The following NAB2 variants were observed in gnomAD, a reference collection of about 807,000 sequenced individuals.
NAB2 encodes NGFI-A-binding protein 2.
NAB2 carries 9 observed loss-of-function variants against 44.2 expected under a neutral mutation model. The observed-to-expected ratio is 0.20, with a 90% CI of 0.12 to 0.36. NAB2 has a LOEUF of 0.36. Among genes scored for constraint, NAB2 ranks in the 10% least tolerant of loss-of-function variants. The pLI is 1.00. For missense variants in NAB2, 514 were observed against 709.0 expected (o/e 0.73, Z 3.12); for synonymous variants, 342 against 291.0 (o/e 1.18, Z -1.78).
chr12:57,093,234 TGGGGGAGTAGGGGA>T, intron 5 of NAB2, 39 bp downstream of exon 5: 1 of 513,444 alleles, frequency 1.9e-6, no homozygotes, highest in Non-Finnish European at 3.3e-6. Flanking sequence ...TCATTGAGGG[TGGGGGAGTAGGGGA>T]GGGGGTTGGG....
rs1381470036 is a variant in NAB2, at chr12:57,091,575, G to A, written c.534G>A (p.Gly178=). Residue 178 remains glycine (G), a synonymous_variant, in exon 2 of 7, where the codon GGG becomes GGA. Transcript: ENST00000300131. This position sits in a 1 kb window ranked among gnomAD's most constrained non-coding sequence, Gnocchi z 7.3. ...EKLSPLPGGP[G]AGDPRIWPGR... ...TATCACCACTGCCTGGGGGACCTGG[G>A]GCAGGGGACCCCCGGATCTGGCCAG... 1.2e-6 allele frequency: 2 copies of A among 1,606,850 alleles called. No individual in the cohort carries two copies. The highest frequency in any genetic ancestry group is 2.2e-5 in the East Asian group (1 of 44,714).
At chr12:57,089,751 T>G (rs1555172927) in intron 1 of NAB2, among the ~76,000 whole-genome samples, 1 of 32,934 alleles carries the variant, frequency 3.0e-5, no homozygotes, top group East Asian at 5.8e-4. Flanking sequence ...CCGGTGCCTT[T>G]GAGTTAAAGG....
At chr12:57,093,243 AGGGGAGGGGGTTG>A in intron 5 of NAB2, 48 bp downstream of exon 5, 3 of 501,464 alleles carry the variant, frequency 6.0e-6, no homozygotes, top group African/African-American at 2.2e-5. Flanking sequence ...GTGGGGGAGT[AGGGGAGGGGGTTG>A]GGGGAGGAGT....
At chr12:57,090,995 G>C in intron 1 of NAB2, 130 bp from the exon 2 acceptor site, 1 of 782,310 alleles carries the variant, frequency 1.3e-6, no homozygotes, top group Admixed American at 2.8e-5. Context: ...CTGGGCACTG[G>C]GCAGGATAGC....
At chr12:57,094,378 GAGAA>G (rs760995888) in intron 6 of NAB2, among the ~76,000 whole-genome samples, 52 of 152,120 alleles carry the variant, frequency 3.4e-4, no homozygotes, top group Admixed American at 5.9e-4. Context: ...GGAGGCGGGA[GAGAA>G]AGAGAGAGAG....
chr12:57,094,774 A>G lies in NAB2; in HGVS notation c.*53A>G. 7.1e-7 allele frequency: 1 copy of G among 1,412,326 alleles called. No individual in the cohort carries two copies. The highest frequency in any genetic ancestry group is 1.3e-5 in the South Asian group (1 of 79,352). 87.5% of individuals were successfully genotyped at this position (1,412,326 alleles called of 1,614,324 possible). ...GACCTCAGACTTCTGGCTCACACAG[A>G]CCCCCACGCTCTCCATCCCCGGAAT... On this transcript the variant is annotated 3_prime_UTR_variant, in exon 7 of 7. Transcript: ENST00000300131.
rs1023237434 is a variant in NAB2, at chr12:57,094,227, A to G, written c.1469-385A>G. Among the ~76,000 whole-genome samples the G allele has an allele frequency of 4.3e-5, 5 of 115,562 alleles. No homozygotes were observed. In the South Asian group the frequency reaches 1.2e-3, roughly 27 times the overall value. The allele number at this position is 115,562 out of a possible 152,430, so 75.8% of individuals were successfully genotyped here. A position where few individuals can be genotyped will look rare whatever the true frequency, so the allele number is the denominator to read the frequency against. On this transcript the variant is annotated intron_variant, in intron 6 of 6. Coordinates refer to ENST00000300131, the MANE Select transcript of NAB2 (RefSeq NM_005967.4). ...TGGCTACCAAAAAACTTGGGGGGCCATGGTAGAGTGGCCTGGGAGGGGCCT... is the reference window on the plus strand; with the variant it reads ...TGGCTACCAAAAAACTTGGGGGGCCGTGGTAGAGTGGCCTGGGAGGGGCCT...
At chr12:57,092,385 G>A (rs1267741602) in intron 2 of NAB2, 63 bp from the exon 3 acceptor site, 1 of 1,590,538 alleles carries the variant, frequency 6.3e-7, no homozygotes, top group African/African-American at 1.3e-5. Flanking sequence ...GGGGTGTGAG[G>A]AGGTCTGGTG....
rs1459756365 is a variant in NAB2 at position 57,091,802 on chromosome 12, G to A, written c.761G>A (p.Arg254Gln). The change falls in exon 2 of 7, where the codon CGG becomes CAG. Residue 254 changes from arginine to glutamine, a missense_variant. Physicochemically the swap from Arg to Gln is conservative, Grantham distance 43 (BLOSUM62 1). Transcript: ENST00000300131. This position sits in a 1 kb window ranked among gnomAD's most constrained non-coding sequence, Gnocchi z 7.3. ...MVVESVERIF[R>Q]SFPRGDAGEV... is the part of the protein sequence containing the mutation. ...GTGGAAAGTGTGGAGAGGATCTTCC[G>A]GAGCTTCCCAAGGGGGGATGCTGGG... The A allele has an allele frequency of 1.2e-6, 2 of 1,614,058 alleles. No individual in the cohort carries two copies. The highest frequency in any genetic ancestry group is 2.2e-5 in the East Asian group (1 of 44,892).
In NAB2 at chr12:57,093,158, C is replaced by T. The variant is rs777294547; in HGVS notation, c.1239C>T (p.Ala413=). The T allele has an allele frequency of 7.4e-6, 12 of 1,612,810 alleles. No homozygotes were observed. The East Asian group carries it at 2.5e-4, about 33-fold the overall frequency. The change falls in exon 5 of 7, where the codon GCC becomes GCT. Residue 413 remains alanine, a synonymous_variant. Transcript: ENST00000300131. ...GCCCCAGCCTGGAGGAGGACAGCGCCAGCCTGTCTGGGGAGAGTCTGGATG... is the reference window on the plus strand; with the variant it reads ...GCCCCAGCCTGGAGGAGGACAGCGCTAGCCTGTCTGGGGAGAGTCTGGATG... ...PYRPSLEEDS[A]SLSGESLDGH... is the part of the protein sequence containing the mutation.
chr12:57,092,022 G>A, intron 2 of NAB2, 24 bp downstream of exon 2: 1 of 1,578,728 alleles, frequency 6.3e-7, no homozygotes, highest in Non-Finnish European at 8.6e-7. Flanking sequence ...GGCCTCCTAG[G>A]ATTGCCCTTG....
rs1050655984 is a variant in NAB2 at position 57,094,995 on chromosome 12, T to G, written c.*274T>G. 2.9e-5 allele frequency: 14 copies of G among 477,934 alleles called. No individual in the cohort carries two copies. The highest frequency in any genetic ancestry group is 5.2e-5 in the Non-Finnish European group (14 of 266,852). The allele number at this position is 477,934 out of a possible 1,614,324, so 29.6% of individuals were successfully genotyped here. On this transcript the variant is annotated 3_prime_UTR_variant, in exon 7 of 7. Coordinates refer to ENST00000300131, the MANE Select transcript of NAB2 (RefSeq NM_005967.4). ...CTCCAGGGCATCTGGGGTTTTCCCC[T>G]CCCTCACACAACACACTCCCATTCT...
At chr12:57,092,320 G>T in intron 2 of NAB2, 128 bp from the exon 3 acceptor site, 1 of 1,359,608 alleles carries the variant, frequency 7.4e-7, no homozygotes, top group Non-Finnish European at 1.0e-6. Flanking sequence ...CTCCCATGTA[G>T]TGTCAAAACC....
At chr12:57,090,378 G>A (rs2033160189) in intron 1 of NAB2, among the ~76,000 whole-genome samples, 1 of 152,222 alleles carries the variant, frequency 6.6e-6, no homozygotes, top group African/African-American at 2.4e-5. Flanking sequence ...CAGCTACTCA[G>A]GAGGCTGAGG....
At chr12:57,090,269 A>T (rs2033158059) in intron 1 of NAB2, among the ~76,000 whole-genome samples, 1 of 152,118 alleles carries the variant, frequency 6.6e-6, no homozygotes. Context: ...GTGGATCACG[A>T]GGTCAGGAAT....
At chr12:57,092,821 G>T in intron 3 of NAB2, 96 bp from the exon 4 acceptor site, 2 of 1,514,426 alleles carry the variant, frequency 1.3e-6, no homozygotes, top group Admixed American at 3.4e-5. Context: ...CTTGGCAAAG[G>T]TTTTAAATAA....
At chr12:57,092,881 C>A (rs776133825) in intron 3 of NAB2, 36 bp from the exon 4 acceptor site, 1 of 1,612,628 alleles carries the variant, frequency 6.2e-7, no homozygotes, top group East Asian at 2.2e-5. Flanking sequence ...TGGCCCTCGT[C>A]AGCCTCATCC....
chr12:57,090,997 C>T, intron 1 of NAB2, 128 bp from the exon 2 acceptor site: 2 of 791,302 alleles, frequency 2.5e-6, no homozygotes, highest in Non-Finnish European at 3.9e-6. Context: ...GGGCACTGGG[C>T]AGGATAGCAT....
intron 1 of NAB2, among the ~76,000 whole-genome samples, chr12:57,090,489 A>G (rs1334392394): frequency 6.6e-6 from 1 of 152,038 alleles, no homozygotes; most frequent in East Asian, 1.9e-4. Context: ...ATAAATAAAT[A>G]AATAAATAAA....
Sources: allele counts gnomAD v4.1 joint callset (sites outside exome capture counted in the v4.1 genomes callset), GRCh38; gene constraint gnomAD v4.1.1; non-coding constraint Gnocchi (gnomAD v3.1); transcripts MANE v1.5; gene names NCBI Gene and HGNC (gene_info 2026-07-23, HGNC 2026-07-21).